The following UBN1 variants were observed in gnomAD, a reference collection of about 807,000 sequenced individuals.
UBN1 encodes ubinuclein 1.
Under a neutral mutation model 108.5 loss-of-function variants are expected in UBN1, and 17 were observed. The ratio of observed to expected loss-of-function variants is 0.16; its 90% CI spans 0.11 to 0.24. UBN1 has a LOEUF of 0.24. Among genes scored for constraint, UBN1 ranks in the 10% least tolerant of loss-of-function variants. The pLI is 1.00. For missense variants in UBN1, 1,595 were observed against 1,394.4 expected (o/e 1.14, Z -2.29); for synonymous variants, 726 against 564.2 (o/e 1.29, Z -4.07).
chr16:4,860,673 C>T lies in UBN1; in HGVS notation c.681C>T (p.Ala227=), dbSNP rs1186018008. The part of the protein sequence containing the change: ...KSKFSKAGFT[A]LNASKEKKKK... The stretch of plus-strand genomic sequence containing the variant: ...TCCCTCTTGCTTGCAGCTTCACAGC[C>T]CTCAATGCCAGTAAGGAGAAGAAGA... Residue 227 remains alanine, a synonymous_variant, in exon 7 of 18, where the codon GCC becomes GCT. Coordinates refer to ENST00000262376, the MANE Select transcript of UBN1 (RefSeq NM_001079514.3). 1.2e-6 allele frequency: 2 copies of T among 1,611,240 alleles called. No homozygotes were observed. Among genetic ancestry groups the T allele is most frequent in the Non-Finnish European group, 1.7e-6 (2 of 1,179,346 alleles).
In UBN1 at chr16:4,859,884, G is replaced by T; in HGVS notation, c.587G>T (p.Gly196Val). The change falls in exon 6 of 18, where the codon GGT becomes GTT. Residue 196 changes from glycine (G) to valine (V), a missense_variant. Gly to Val is a moderately radical substitution (Grantham distance 109). This residue lies in a region of UBN1 where 1,398 missense variants were observed against 1,194.7 expected (regional missense o/e 1.17). Transcript: ENST00000262376. ...TCTCAGAAGCGGAAGTTGAAGGAAG[G>T]TGGTGAGAAGATAAAGAAGAAGAAA... ...KSPKKRKLKE[G>V]GEKIKKKKKD... 1 of 1,614,120 alleles carries T rather than the reference G, an allele frequency of 6.2e-7. No individual in the cohort carries two copies. Among genetic ancestry groups the T allele is most frequent in the East Asian group, 2.2e-5 (1 of 44,866 alleles).
chr16:4,874,027 T>G (rs2087762172), intron 14 of UBN1, among the ~76,000 whole-genome samples, 184 bp from the exon 15 acceptor site: 1 of 152,084 alleles, frequency 6.6e-6, no homozygotes, highest in Non-Finnish European at 1.5e-5. Flanking sequence ...TCACCAGGGG[T>G]GATGAAGTCA....
In UBN1 at chr16:4,870,213, A is replaced by G. The variant is rs762297752; in HGVS notation, c.1183A>G (p.Ile395Val). The change falls in exon 9 of 18, where the codon ATA becomes GTA. Residue 395 changes from isoleucine (I) to valine (V), a missense_variant and splice_region_variant. Transcript: ENST00000262376. Reference protein sequence around the residue: ...TQDINGILLDIEAQTRELSSQ... With the variant: ...TQDINGILLDVEAQTRELSSQ... ...TGGTGACTGTGTTTTGTTCTTCAGC[A>G]TAGAGGCGCAGACTCGGGAGCTGAG... The G allele has an allele frequency of 1.9e-6, 3 of 1,614,258 alleles. No individual in the cohort carries two copies. Among genetic ancestry groups the G allele is most frequent in the Middle Eastern group, 1.6e-4 (1 of 6,062 alleles).
In UBN1 at chr16:4,870,659, G is replaced by C. The variant is rs765491167; in HGVS notation, c.1430+25G>C. ...AGTAAGTTTGTCCTGGCGCTTGCAGGTGCAACCCTCCCGTCTTGCCTCTTC... is the reference window on the plus strand; with the variant it reads ...AGTAAGTTTGTCCTGGCGCTTGCAGCTGCAACCCTCCCGTCTTGCCTCTTC... On this transcript the variant is annotated intron_variant, in intron 10 of 17. Coordinates refer to ENST00000262376, the MANE Select transcript of UBN1 (RefSeq NM_001079514.3). 2.5e-6 allele frequency: 4 copies of C among 1,613,566 alleles called. No homozygotes were observed. In the South Asian group the frequency reaches 4.4e-5, roughly 18 times the overall value.
At chr16:4,852,406 C>T (rs1471527812) in intron 1 of UBN1, 1 of 154,746 alleles carries the variant, frequency 6.5e-6, no homozygotes, top group African/African-American at 2.4e-5. Flanking sequence ...GTCACTGGTT[C>T]TTTACTATCC....
intron 1 of UBN1, among the ~76,000 whole-genome samples, chr16:4,851,437 G>C (rs1055413024): frequency 6.6e-6 from 1 of 152,158 alleles, no homozygotes; most frequent in Non-Finnish European, 1.5e-5. Flanking sequence ...GCAACAGAGT[G>C]AGACCTTGTC....
intron 15 of UBN1, 77 bp downstream of exon 15, chr16:4,875,511 G>A (rs1189546958): frequency 6.5e-7 from 1 of 1,526,960 alleles, no homozygotes; most frequent in African/African-American, 1.4e-5. Context: ...CTTGCCCCGG[G>A]TGGAGAGTGA....
At chr16:4,854,158 C>T (rs1227764539) in intron 2 of UBN1, among the ~76,000 whole-genome samples, 4 of 151,984 alleles carry the variant, frequency 2.6e-5, no homozygotes, top group African/African-American at 4.8e-5. Flanking sequence ...CTCAGCCTCC[C>T]GAGTAGCTGG....
chr16:4,872,598 A>AAT (rs2142260446), intron 12 of UBN1, among the ~76,000 whole-genome samples: 1 of 152,262 alleles, frequency 6.6e-6, no homozygotes, highest in African/African-American at 2.4e-5. Context: ...CCTCCCGAGT[A>AAT]GCTGGGATTA....
At position 4,860,100 on chromosome 16, in the gene UBN1, C is replaced by T. The variant is rs566430121; in HGVS notation, c.671+132C>T. ...CTGGCCTTCCTGTCCTCCCGCACGC[C>T]TCCCGCAGTGCCATTCTGGGCATAG... On this transcript the variant is annotated intron_variant, in intron 6 of 17. Transcript: ENST00000262376. 2.9e-5 allele frequency: 33 copies of T among 1,121,750 alleles called. No individual in the cohort carries two copies. In the South Asian group the frequency reaches 5.0e-4, roughly 17 times the overall value. 69.5% of individuals were successfully genotyped at this position (1,121,750 alleles called of 1,614,324 possible). A position where few individuals can be genotyped will look rare whatever the true frequency, so the allele number is the denominator to read the frequency against.
chr16:4,858,352 TC>T (rs1281508128), intron 3 of UBN1, among the ~76,000 whole-genome samples: 2 of 152,206 alleles, frequency 1.3e-5, no homozygotes, highest in Non-Finnish European at 2.9e-5. Flanking sequence ...GCCATTTAGT[TC>T]ATTTTTCTGT....
chr16:4,853,191 G>T (rs775757880), intron 2 of UBN1, 25 bp downstream of exon 2: 15 of 1,611,936 alleles, frequency 9.3e-6, no homozygotes, highest in Middle Eastern at 1.7e-4. Flanking sequence ...TCCCAGAGGC[G>T]CTGCAGGTTT....
chr16:4,857,727 C>T (rs1406587219), intron 2 of UBN1, among the ~76,000 whole-genome samples: 1 of 152,090 alleles, frequency 6.6e-6, no homozygotes, highest in Non-Finnish European at 1.5e-5. Context: ...TTCTAAAGGC[C>T]CTTTGCTGTC....
chr16:4,875,080 T>G lies in UBN1; in HGVS notation c.2670T>G (p.His890Gln). 6.2e-7 allele frequency: 1 copy of G among 1,614,092 alleles called. No homozygotes were observed. Among genetic ancestry groups the G allele is most frequent in the East Asian group, 2.2e-5 (1 of 44,888 alleles). Residue 890 changes from histidine to glutamine, a missense_variant, in exon 15 of 18, where the codon CAT becomes CAG. Transcript: ENST00000262376. ...SSALSHPAKP[H>Q]SVSSAGSSYK... ...CCCTGAGCCATCCAGCAAAGCCACA[T>G]TCAGTCAGCTCTGCAGGCTCATCTT...
At position 4,873,570 on chromosome 16, in the gene UBN1, A is replaced by T. The variant is rs546065400; in HGVS notation, c.1800+497A>T. ...GTAGTAAAAATTGCTGTTTATCAACATTTTTCCCAGTTCTTAGTGTGGTGC... is the reference window on the plus strand; with the variant it reads ...GTAGTAAAAATTGCTGTTTATCAACTTTTTTCCCAGTTCTTAGTGTGGTGC... On this transcript the variant is annotated intron_variant, in intron 14 of 17. Transcript: ENST00000262376. 3.9e-5 allele frequency among the ~76,000 whole-genome samples: 6 copies of T among 152,312 alleles called. No homozygotes were observed. The South Asian group carries it at 8.3e-4, about 21-fold the overall frequency.
At chr16:4,859,712 T>C (rs1446833981) in intron 5 of UBN1, among the ~76,000 whole-genome samples, 153 bp from the exon 6 acceptor site, 1 of 152,112 alleles carries the variant, frequency 6.6e-6, no homozygotes, top group Non-Finnish European at 1.5e-5. Context: ...GCTGTGGGTT[T>C]GTGGTCCAGG....
intron 7 of UBN1, among the ~76,000 whole-genome samples, 153 bp from the exon 8 acceptor site, chr16:4,868,680 C>G (rs1408739697): frequency 6.6e-6 from 1 of 152,182 alleles, no homozygotes; most frequent in Non-Finnish European, 1.5e-5. Context: ...CGCAGGCGAA[C>G]TTAACCTGGG....
At chr16:4,876,425 A>G (rs1254908473) in intron 15 of UBN1, among the ~76,000 whole-genome samples, 4 of 152,144 alleles carry the variant, frequency 2.6e-5, no homozygotes, top group Non-Finnish European at 5.9e-5. Context: ...ATATAAATAA[A>G]GGTATATATG....
intron 7 of UBN1, among the ~76,000 whole-genome samples, chr16:4,864,350 A>G (rs550565991): frequency 1.3e-5 from 2 of 152,202 alleles, no homozygotes; most frequent in South Asian, 4.1e-4. Flanking sequence ...AAAATTAGAT[A>G]TATCTTCTAA....
Sources: allele counts gnomAD v4.1 joint callset (sites outside exome capture counted in the v4.1 genomes callset), GRCh38; gene constraint gnomAD v4.1.1; regional missense constraint gnomAD v4.1.1; transcripts MANE v1.5; gene names NCBI Gene and HGNC (gene_info 2026-07-23, HGNC 2026-07-21).